The following MAN2B2 variants were observed in gnomAD, a reference collection of about 807,000 sequenced individuals.
MAN2B2 encodes the protein epididymis-specific alpha-mannosidase.
MAN2B2 carries 106 observed loss-of-function variants against 117.1 expected under a neutral mutation model. The observed-to-expected ratio is 0.90, with a 90% CI of 0.77 to 1.06. MAN2B2 has a LOEUF of 1.06. MAN2B2 is among the 50% of genes least tolerant of loss of function. The pLI is 0.00. For missense variants in MAN2B2, 1,326 were observed against 1,381.4 expected, an observed-to-expected ratio of 0.96 and a Z score of 0.64; for synonymous variants, 544 against 595.1, an observed-to-expected ratio of 0.91 and a Z score of 1.25.
Position 6,617,384 on chromosome 4 carries a change from T to G in MAN2B2, c.2706T>G (p.His902Gln). Residue 902 changes from histidine (H) to glutamine (Q), a missense_variant, in exon 17 of 19, where the codon CAT (histidine) becomes CAG (glutamine). Transcript: ENST00000285599. ...TEHSQNLRKG[H>Q]RGEAQADLRR... ...ACCTTCCTTCTGTCCCCAAAGGCCA[T>G]CGAGGGGAAGCCCAGGCTGACCTCC... is the stretch of plus-strand genomic sequence containing the variant. The G allele has an allele frequency of 6.2e-7, 1 of 1,613,818 alleles. No homozygotes were observed. Among genetic ancestry groups the G allele is most frequent in the Non-Finnish European group, 8.5e-7 (1 of 1,179,826 alleles).
rs573091538 is a variant in MAN2B2 at position 6,621,821 on chromosome 4, G to A, written c.*536G>A. The A allele has an allele frequency of 1.3e-5, 2 of 152,682 alleles. No homozygotes were observed. Among genetic ancestry groups the A allele is most frequent in the African/African-American group, 4.8e-5 (2 of 41,596 alleles). The allele number at this position is 152,682 out of a possible 1,614,324, so 9.5% of individuals were successfully genotyped here. ...GTTCCAGCCCCAGACGCCCACCTGT[G>A]CCTCAGGGCACCGCCTGCCGAGCAG... is the stretch of plus-strand genomic sequence containing the variant. On this transcript the variant is annotated 3_prime_UTR_variant, in exon 19 of 19. Coordinates refer to ENST00000285599, the MANE Select transcript of MAN2B2 (RefSeq NM_015274.3).
In MAN2B2 at chr4:6,594,574, C is replaced by T. The variant is rs1325099155; in HGVS notation, c.899C>T (p.Ala300Val). Residue 300 changes from alanine to valine, a missense_variant, in exon 7 of 19, where the codon GCC becomes GTC. Transcript: ENST00000285599. ...KQFFNASVQF[A>V]NMDPLLDHIN... ...TTCTTCAATGCCTCGGTGCAGTTTG[C>T]CAACATGGACCCGCTGCTGGACCAC... 2 of 1,613,538 alleles carry T rather than the reference C, an allele frequency of 1.2e-6. No homozygotes were observed. The highest frequency in any genetic ancestry group is 1.7e-6 in the Non-Finnish European group (2 of 1,180,042).
Position 6,589,153 on chromosome 4 carries a change from T to C in MAN2B2, c.673T>C (p.Ser225Pro). The change falls in exon 5 of 19, where the codon TCC becomes CCC. Residue 225 changes from serine to proline, a missense_variant. By Grantham distance (74) the Ser-to-Pro change is moderately conservative. Transcript: ENST00000285599. ...CTGCACCCCGTCCCACATCCCTTTC[T>C]CCAACAGGTACGTGCCCTTCCGCAG... ...SYCTPSHIPF[S>P]NRSGFYWNGV... is the part of the protein sequence containing the mutation. 6.2e-7 allele frequency: 1 copy of C among 1,613,334 alleles called. No individual in the cohort carries two copies. Among genetic ancestry groups the C allele is most frequent in the Non-Finnish European group, 8.5e-7 (1 of 1,179,214 alleles).
At chr4:6,592,984 C>T (rs772824690) in intron 5 of MAN2B2, among the ~76,000 whole-genome samples, 189 bp from the exon 6 acceptor site, 31 of 152,318 alleles carry the variant, frequency 2.0e-4, no homozygotes, top group Admixed American at 2.6e-4. Context: ...GTCTGATGGG[C>T]GAGAAGTTGG....
rs572172207 is a variant in MAN2B2 at position 6,610,965 on chromosome 4, C to G, written c.2345C>G (p.Ser782Cys). 6.2e-7 allele frequency: 1 copy of G among 1,614,178 alleles called. No homozygotes were observed. Among genetic ancestry groups the G allele is most frequent in the African/African-American group, 1.3e-5 (1 of 75,050 alleles). ...VLLSERAHGI[S>C]SQGNGQVEVM... ...CTGTCGGAGCGGGCACATGGCATCT[C>G]CAGCCAAGGGAATGGGCAGGTGGAG... Residue 782 changes from serine to cysteine, a missense_variant, in exon 14 of 19, where the codon TCC (serine) becomes TGC (cysteine). Coordinates refer to ENST00000285599, the MANE Select transcript of MAN2B2 (RefSeq NM_015274.3).
At chr4:6,599,611 C>T (rs184840171) in intron 9 of MAN2B2, among the ~76,000 whole-genome samples, 5,045 of 148,652 alleles carry the variant, frequency 0.034, 285 homozygotes, top group African/African-American at 0.12. Flanking sequence ...TGCAGTGAGC[C>T]GAGATCGCAC....
rs1727006659 is a variant in MAN2B2, at chr4:6,594,721, C to T, written c.1046C>T (p.Pro349Leu). 7 of 1,611,128 alleles carry T rather than the reference C, an allele frequency of 4.3e-6. No individual in the cohort carries two copies. Among genetic ancestry groups the T allele is most frequent in the Non-Finnish European group, 5.9e-6 (7 of 1,179,528 alleles). Reference sequence around the variant, plus strand: ...GTCCGCGACCACCACGACTTCCTGCCCTATTCCACAGGTACAGGCTTCCAG... The same window carrying T: ...GTCCGCGACCACCACGACTTCCTGCTCTATTCCACAGGTACAGGCTTCCAG... ...WRVRDHHDFL[P>L]YSTEPFQAWT... The change falls in exon 7 of 19, where the codon CCC becomes CTC. Residue 349 changes from proline (P) to leucine (L), a missense_variant. Pro to Leu is a moderately conservative substitution (Grantham distance 98, BLOSUM62 -3). Transcript: ENST00000285599.
At chr4:6,608,757 A>G (rs1727641786) in intron 11 of MAN2B2, among the ~76,000 whole-genome samples, 1 of 152,220 alleles carries the variant, frequency 6.6e-6, no homozygotes, top group Non-Finnish European at 1.5e-5. Context: ...CCTGCTGGAC[A>G]GCTCAGAGTC....
intron 3 of MAN2B2, among the ~76,000 whole-genome samples, chr4:6,584,889 G>A (rs541205981): frequency 7.2e-5 from 11 of 152,134 alleles, no homozygotes; most frequent in African/African-American, 1.4e-4. Context: ...AAGGTTCTGC[G>A]AGTGAAAAAG....
chr4:6,579,092 AT>A (rs1726215537), intron 3 of MAN2B2, among the ~76,000 whole-genome samples: 2 of 77,880 alleles, frequency 2.6e-5, no homozygotes, highest in African/African-American at 6.5e-5. Flanking sequence ...CACCATCACC[AT>A]CACCAGCACC....
At chr4:6,618,292 T>A (rs949283607) in intron 17 of MAN2B2, 2 of 152,220 alleles carry the variant, frequency 1.3e-5, no homozygotes, top group Non-Finnish European at 2.9e-5. Flanking sequence ...TTCTTTCTTA[T>A]TTATTCTGTG....
rs760288463 is a variant in MAN2B2 at position 6,610,904 on chromosome 4, G to A, written c.2284G>A (p.Ala762Thr). ...ARNYYPMVQS[A>T]FMEDGKSRLV... ...GAATTACTACCCCATGGTTCAGTCG[G>A]CCTTCATGGAGGATGGCAAAAGCAG... is the stretch of plus-strand genomic sequence containing the variant. Residue 762 changes from alanine (A) to threonine (T), a missense_variant, in exon 14 of 19, where the codon GCC becomes ACC. Transcript: ENST00000285599. 1 of 1,614,178 alleles carries A rather than the reference G, an allele frequency of 6.2e-7. No individual in the cohort carries two copies. Among genetic ancestry groups the A allele is most frequent in the South Asian group, 1.1e-5 (1 of 91,088 alleles).
chr4:6,576,596 G>C lies in MAN2B2; in HGVS notation c.157G>C (p.Ala53Pro), dbSNP rs368885291. The C allele has an allele frequency of 6.2e-7, 1 of 1,613,058 alleles. No homozygotes were observed. The highest frequency in any genetic ancestry group is 1.3e-5 in the African/African-American group (1 of 74,940). ...YTVQESMRAY[A>P]ANVYTSVVEE... ...TCCCCAGGAAAGCATGCGGGCGTAC[G>C]CCGCCAATGTCTACACCTCAGTGGT... Residue 53 changes from alanine (A) to proline (P), a missense_variant, in exon 2 of 19, where the codon GCC becomes CCC. Transcript: ENST00000285599.
intron 18 of MAN2B2, 72 bp downstream of exon 18, chr4:6,620,116 C>T: frequency 2.3e-6 from 3 of 1,278,740 alleles, no homozygotes; most frequent in Middle Eastern, 2.6e-4. Flanking sequence ...AGACCCGGTG[C>T]ACATCCAACC....
chr4:6,618,350 AC>A (rs1328211465), intron 17 of MAN2B2: 1 of 152,210 alleles, frequency 6.6e-6, no homozygotes, highest in Non-Finnish European at 1.5e-5. Flanking sequence ...CAAAAACAAA[AC>A]AGATTCCCCA....
At chr4:6,584,498 A>C (rs1049906629) in intron 3 of MAN2B2, among the ~76,000 whole-genome samples, 1 of 152,270 alleles carries the variant, frequency 6.6e-6, no homozygotes, top group Admixed American at 6.5e-5. Flanking sequence ...AGGAAGTACT[A>C]GACTGTGAGC....
chr4:6,597,209 T>A lies in MAN2B2; in HGVS notation c.1154T>A (p.Met385Lys), dbSNP rs755253715. 2.5e-6 allele frequency: 4 copies of A among 1,611,226 alleles called. No individual in the cohort carries two copies. Among genetic ancestry groups the A allele is most frequent in the Admixed American group, 1.7e-5 (1 of 59,726 alleles). The change falls in exon 8 of 19, where the codon ATG becomes AAG. Residue 385 changes from methionine to lysine, a missense_variant. Physicochemically the swap from Met to Lys is moderately conservative, Grantham distance 95 (BLOSUM62 -1). Coordinates refer to ENST00000285599, the MANE Select transcript of MAN2B2 (RefSeq NM_015274.3). ...ASALLYAGES[M>K]FTRYLWPAPR... ...GCCTTGTTGTATGCCGGGGAGTCCATGTTCACACGCTACCTGTGGCCGGCC... is the reference window on the plus strand; with the variant it reads ...GCCTTGTTGTATGCCGGGGAGTCCAAGTTCACACGCTACCTGTGGCCGGCC...
intron 17 of MAN2B2, 196 bp from the exon 18 acceptor site, chr4:6,619,730 TG>T: frequency 1.7e-6 from 1 of 583,948 alleles, no homozygotes; most frequent in Non-Finnish European, 3.1e-6. Context: ...TGTCCTCATC[TG>T]TAAAGTACAC....
chr4:6,610,738 C>A, intron 13 of MAN2B2, 142 bp from the exon 14 acceptor site: 1 of 693,810 alleles, frequency 1.4e-6, no homozygotes, highest in Non-Finnish European at 2.6e-6. Flanking sequence ...GAACCCCAGT[C>A]TGTTGGTCTC....
Sources: gnomAD v4.1 joint callset for allele counts (sites outside exome capture counted in the v4.1 genomes callset) on GRCh38, gnomAD v4.1.1 for gene constraint, MANE v1.5 for transcripts, NCBI Gene and HGNC (gene_info 2026-07-23, HGNC 2026-07-21) for gene names.